The following SCN9A variants were observed in gnomAD, a reference collection of about 807,000 sequenced individuals.
SCN9A encodes sodium voltage-gated channel alpha subunit 9.
A neutral mutation model predicts 187.0 loss-of-function variants in SCN9A; 131 were observed. That is an observed-to-expected ratio of 0.70 (90% CI 0.61 to 0.81). The LOEUF (loss-of-function observed/expected upper bound fraction) is 0.81. SCN9A is among the 30% of genes least tolerant of loss of function. The pLI is 0.00. For synonymous variants in SCN9A, 809 were observed against 808.6 expected (o/e 1.00, Z -0.01); for missense variants, 2,252 against 2,396.6 (o/e 0.94, Z 1.26).
At chr2:166,267,711 A>T (rs4443014) in intron 17 of SCN9A, among the ~76,000 whole-genome samples, 112,404 of 151,768 alleles carry the variant, frequency 0.74, 41,899 homozygotes, top group East Asian at 0.79. Flanking sequence ...GCTAGGAGAG[A>T]TTTTATTACT....
intron 7 of SCN9A, chr2:166,298,597 T>C (rs1256701225): frequency 6.6e-6 from 1 of 150,882 alleles, no homozygotes; most frequent in African/African-American, 2.4e-5. Context: ...GCCTTTACCA[T>C]TATAATTCCT....
At chr2:166,351,036 G>C (rs1553504360) in intron 1 of SCN9A, among the ~76,000 whole-genome samples, 5 of 151,956 alleles carry the variant, frequency 3.3e-5, no homozygotes, top group Non-Finnish European at 7.4e-5. Context: ...TATAAGCACA[G>C]ACGCACACAC....
At chr2:166,250,613 A>T (rs1190632709) in intron 18 of SCN9A, among the ~76,000 whole-genome samples, 2 of 152,108 alleles carry the variant, frequency 1.3e-5, no homozygotes, top group Admixed American at 6.6e-5. Context: ...TTTTACCTAG[A>T]TGATACAATA....
At chr2:166,278,080 C>T in intron 15 of SCN9A, 60 bp downstream of exon 15, 2 of 1,386,052 alleles carry the variant, frequency 1.4e-6, no homozygotes, top group South Asian at 1.4e-5. Context: ...AAAAATAATG[C>T]AAAACCAAAG....
chr2:166,274,851 G>A (rs1427704155), intron 16 of SCN9A, among the ~76,000 whole-genome samples: 1 of 151,986 alleles, frequency 6.6e-6, no homozygotes, highest in African/African-American at 2.4e-5. Context: ...TTGTTCAAAG[G>A]CCCACTTCAA....
At chr2:166,261,409 G>T (rs1696498446) in intron 17 of SCN9A, among the ~76,000 whole-genome samples, 1 of 151,910 alleles carries the variant, frequency 6.6e-6, no homozygotes, top group Non-Finnish European at 1.5e-5. Flanking sequence ...AGGCAAGTGG[G>T]ATAGTCATTA....
chr2:166,305,261 C>G (rs183026897), intron 5 of SCN9A, among the ~76,000 whole-genome samples: 151 of 151,954 alleles, frequency 9.9e-4, no homozygotes, highest in African/African-American at 3.6e-3. Flanking sequence ...TAAAATTATA[C>G]TGTAATGTAA....
chr2:166,294,392 A>AGCACTG (rs1195008364), intron 8 of SCN9A, among the ~76,000 whole-genome samples: 4 of 152,184 alleles, frequency 2.6e-5, no homozygotes, highest in African/African-American at 9.6e-5. Context: ...TGTTAATTCG[A>AGCACTG]GCACTGTCTC....
intron 1 of SCN9A, among the ~76,000 whole-genome samples, chr2:166,364,252 G>T (rs1700361202): frequency 6.6e-6 from 1 of 151,874 alleles, no homozygotes. Flanking sequence ...TAGTGCAGCT[G>T]CTGTGGAAAA....
At chr2:166,281,955 C>T (rs777293076) in intron 12 of SCN9A, 147 bp from the exon 13 acceptor site, 17 of 628,118 alleles carry the variant, frequency 2.7e-5, no homozygotes, top group Non-Finnish European at 4.4e-5. Flanking sequence ...TACTTACTGG[C>T]TGTATATCAT....
Position 166,199,499 on chromosome 2 carries a change from C to T in SCN9A, c.5140G>A (p.Asp1714Asn), listed in dbSNP as rs200733722. ...GGATGAACTTTTTTTGGGTCACAGT[C>T]GGGTGGCTTACTGTTAAGAATAGGT... is the stretch of plus-strand genomic sequence containing the variant. ...LAPILNSKPP[D>N]CDPKKVHPGS... The change falls in exon 27 of 27, where the codon GAC becomes AAC. Residue 1714 changes from aspartate to asparagine, a missense_variant. Physicochemically the swap from Asp to Asn is conservative, Grantham distance 23. Around this residue, in one of 7 missense-constraint regions of SCN9A, gnomAD observed 345 missense variants for 344.6 expected, o/e 1.00. Coordinates refer to ENST00000642356, the MANE Select transcript of SCN9A (RefSeq NM_001365536.1). 37 of 1,614,166 alleles carry T rather than the reference C, an allele frequency of 2.3e-5. No homozygotes were observed. The highest frequency in any genetic ancestry group is 2.7e-5 in the Non-Finnish European group (32 of 1,180,036).
intron 1 of SCN9A, among the ~76,000 whole-genome samples, chr2:166,366,229 T>C (rs1480638185): frequency 6.6e-6 from 1 of 152,106 alleles, no homozygotes; most frequent in Non-Finnish European, 1.5e-5. Context: ...ACTTTGTTTT[T>C]TCTTATCTGC....
intron 1 of SCN9A, among the ~76,000 whole-genome samples, chr2:166,354,629 A>T (rs532106809): frequency 6.6e-6 from 1 of 152,326 alleles, no homozygotes; most frequent in Non-Finnish European, 1.5e-5. Flanking sequence ...CAAAGCGATC[A>T]AGTATTTAAT....
At chr2:166,236,020 T>C (rs1460492835) in intron 20 of SCN9A, among the ~76,000 whole-genome samples, 2 of 152,150 alleles carry the variant, frequency 1.3e-5, no homozygotes, top group African/African-American at 2.4e-5. Context: ...GTATTTGTGA[T>C]AATATTTTAA....
intron 26 of SCN9A, 47 bp downstream of exon 26, chr2:166,203,908 G>C (rs555517175): frequency 1.2e-5 from 14 of 1,208,538 alleles, no homozygotes; most frequent in Admixed American, 2.2e-5. Context: ...CATAAGTGAA[G>C]TTTAGCTTTA....
intron 1 of SCN9A, among the ~76,000 whole-genome samples, chr2:166,361,236 A>G (rs1376311272): frequency 6.6e-6 from 1 of 152,142 alleles, no homozygotes; most frequent in East Asian, 1.9e-4. Context: ...GATTTTAGCA[A>G]CTTTCTTCTA....
chr2:166,340,610 T>G (rs1183419251), intron 1 of SCN9A, among the ~76,000 whole-genome samples: 2 of 61,950 alleles, frequency 3.2e-5, no homozygotes, highest in African/African-American at 1.4e-4. Flanking sequence ...TTCTTTTTCT[T>G]TCTTTCTTTC....
chr2:166,322,200 A>G (rs138989210), intron 1 of SCN9A, among the ~76,000 whole-genome samples: 73 of 152,310 alleles, frequency 4.8e-4, no homozygotes, highest in African/African-American at 1.7e-3. Flanking sequence ...TTGAGTTTCT[A>G]TAGTTTCTTC....
At chr2:166,209,910 G>A (rs896724437) in intron 24 of SCN9A, among the ~76,000 whole-genome samples, 1 of 152,134 alleles carries the variant, frequency 6.6e-6, no homozygotes, top group Non-Finnish European at 1.5e-5. Context: ...GATTCCTCAA[G>A]GATCTAGAAC....
Sources: gnomAD v4.1 joint callset for allele counts (sites outside exome capture counted in the v4.1 genomes callset) on GRCh38, gnomAD v4.1.1 for gene constraint, gnomAD v4.1.1 regional missense constraint, MANE v1.5 for transcripts, NCBI Gene and HGNC (gene_info 2026-07-23, HGNC 2026-07-21) for gene names.